Variants in PRKAR2B observed in about 807,000 individuals in gnomAD.
PRKAR2B encodes the protein cAMP-dependent protein kinase type II-beta regulatory subunit.
Under a neutral mutation model 49.9 loss-of-function variants are expected in PRKAR2B, and 14 were observed. The observed-to-expected ratio is 0.28, with a 90% CI of 0.19 to 0.44. The LOEUF (loss-of-function observed/expected upper bound fraction) is 0.44, where lower values mean the gene tolerates loss of function less well. PRKAR2B is among the 20% of genes least tolerant of loss of function. The pLI, the probability that PRKAR2B is intolerant of heterozygous loss-of-function variation, is 1.00. For synonymous variants in PRKAR2B, 196 were observed against 197.7 expected, an observed-to-expected ratio of 0.99 and a Z score of 0.07; for missense variants, 393 against 537.9, an observed-to-expected ratio of 0.73 and a Z score of 2.67.
At chr7:107,091,206 A>G (rs1029311983) in intron 2 of PRKAR2B, among the ~76,000 whole-genome samples, 1 of 152,222 alleles carries the variant, frequency 6.6e-6, no homozygotes, top group Non-Finnish European at 1.5e-5. Flanking sequence ...TGGAATGATT[A>G]TACTGTAATA....
At chr7:107,142,486 T>G (rs1250110855) in intron 5 of PRKAR2B, among the ~76,000 whole-genome samples, 2 of 152,240 alleles carry the variant, frequency 1.3e-5, no homozygotes, top group East Asian at 3.8e-4. Context: ...TCTATGATCT[T>G]AACCATTTAG....
At chr7:107,147,326 T>C (rs753534330) in intron 6 of PRKAR2B, among the ~76,000 whole-genome samples, 1 of 152,080 alleles carries the variant, frequency 6.6e-6, no homozygotes, top group Non-Finnish European at 1.5e-5. Flanking sequence ...AAAATCCTCT[T>C]ACCTAGACCT....
chr7:107,064,669 C>T (rs768599643), intron 1 of PRKAR2B, among the ~76,000 whole-genome samples: 1 of 152,152 alleles, frequency 6.6e-6, no homozygotes, highest in Non-Finnish European at 1.5e-5. Context: ...CTTTGAGCCC[C>T]TTCACAGGCT....
chr7:107,130,995 T>G (rs1397822477), intron 4 of PRKAR2B, among the ~76,000 whole-genome samples: 5 of 152,182 alleles, frequency 3.3e-5, no homozygotes, highest in African/African-American at 1.2e-4. Flanking sequence ...CAGATTTGGA[T>G]TCTCATGGTC....
chr7:107,133,263 T>G (rs2191917), intron 4 of PRKAR2B, among the ~76,000 whole-genome samples: 18,327 of 152,220 alleles, frequency 0.12, 1,315 homozygotes, highest in African/African-American at 0.19. Flanking sequence ...GGAATTGCCT[T>G]TTCATATATC....
At chr7:107,049,060 G>A (rs923364361) in intron 1 of PRKAR2B, among the ~76,000 whole-genome samples, 3 of 152,046 alleles carry the variant, frequency 2.0e-5, no homozygotes, top group Non-Finnish European at 4.4e-5. Flanking sequence ...GAAGGTTTAC[G>A]GTAGGCTATA....
intron 1 of PRKAR2B, among the ~76,000 whole-genome samples, chr7:107,051,207 C>G (rs757763676): frequency 1.9e-4 from 29 of 152,168 alleles, no homozygotes; most frequent in South Asian, 2.1e-4. Context: ...TTTTTTCTGT[C>G]TTCCATCAAG....
At chr7:107,101,094 A>T (rs900570499) in intron 2 of PRKAR2B, among the ~76,000 whole-genome samples, 2 of 146,830 alleles carry the variant, frequency 1.4e-5, no homozygotes, top group Admixed American at 6.8e-5. Context: ...ACATTGTAGC[A>T]GTTCTGGATT....
At chr7:107,059,863 C>G (rs1428348615) in intron 1 of PRKAR2B, among the ~76,000 whole-genome samples, 3 of 152,030 alleles carry the variant, frequency 2.0e-5, no homozygotes, top group African/African-American at 7.2e-5. Flanking sequence ...ATTTTCTTTG[C>G]CTTTTTTTCT....
At chr7:107,156,949 T>G in intron 8 of PRKAR2B, 35 bp from the exon 9 acceptor site, 1 of 1,557,628 alleles carries the variant, frequency 6.4e-7, no homozygotes, top group Non-Finnish European at 8.9e-7. Flanking sequence ...TTAATTTGCA[T>G]TTTCACCGTC....
At chr7:107,130,238 G>A (rs552839878) in intron 4 of PRKAR2B, among the ~76,000 whole-genome samples, 1 of 152,284 alleles carries the variant, frequency 6.6e-6, no homozygotes, top group South Asian at 2.1e-4. Context: ...GGTGGCTCAT[G>A]CCTGTAATCC....
intron 7 of PRKAR2B, among the ~76,000 whole-genome samples, chr7:107,152,390 G>A (rs532399299): frequency 4.6e-5 from 7 of 152,210 alleles, no homozygotes; most frequent in Admixed American, 6.5e-5. Flanking sequence ...TGTACTTGCC[G>A]TCTGTCTGGA....
chr7:107,044,994 G>A lies in PRKAR2B; in HGVS notation c.87G>A (p.Leu29=), dbSNP rs1457407276. ...TGAGGCACCAGCCCGCGGACCTGCT[G>A]GAGTTCGCGCTGCAGCACTTCACCC... The part of the protein sequence containing the change: ...EVLRHQPADL[L]EFALQHFTRL... The change falls in exon 1 of 11, where the codon CTG becomes CTA. Residue 29 remains leucine (L), a synonymous_variant. Coordinates refer to ENST00000265717, the MANE Select transcript of PRKAR2B (RefSeq NM_002736.3). The A allele has an allele frequency of 2.6e-6, 4 of 1,560,170 alleles. No homozygotes were observed. Among genetic ancestry groups the A allele is most frequent in the Non-Finnish European group, 2.6e-6 (3 of 1,155,058 alleles).
intron 7 of PRKAR2B, among the ~76,000 whole-genome samples, chr7:107,151,449 C>G (rs1410821394): frequency 6.6e-6 from 1 of 152,216 alleles, no homozygotes; most frequent in Non-Finnish European, 1.5e-5. Context: ...AGGCCTCTGT[C>G]CTTGGCCTCT....
At chr7:107,110,402 AGAGGCACGCGAGTTACT>A (rs1795149798) in intron 2 of PRKAR2B, among the ~76,000 whole-genome samples, 1 of 152,032 alleles carries the variant, frequency 6.6e-6, no homozygotes, top group Non-Finnish European at 1.5e-5. Flanking sequence ...ATTGGACTGG[AGAGGCACGCGAGTTACT>A]GAGACACTGG....
intron 2 of PRKAR2B, among the ~76,000 whole-genome samples, chr7:107,119,376 T>C (rs1170895725): frequency 6.6e-6 from 1 of 152,240 alleles, no homozygotes; most frequent in Non-Finnish European, 1.5e-5. Context: ...TCTGCTCTTG[T>C]TGTCCTTTGG....
intron 2 of PRKAR2B, among the ~76,000 whole-genome samples, chr7:107,118,570 A>G (rs1387685467): frequency 1.3e-5 from 2 of 152,164 alleles, no homozygotes; most frequent in East Asian, 3.8e-4. Flanking sequence ...CAGCCTGGAG[A>G]GGCAAACAGC....
intron 2 of PRKAR2B, among the ~76,000 whole-genome samples, chr7:107,112,393 A>G (rs1296697448): frequency 1.3e-5 from 2 of 152,128 alleles, no homozygotes; most frequent in East Asian, 3.9e-4. Context: ...ATCATCTCAC[A>G]AATCTTGATT....
chr7:107,062,543 T>C (rs977803631), intron 1 of PRKAR2B, among the ~76,000 whole-genome samples: 1 of 152,202 alleles, frequency 6.6e-6, no homozygotes, highest in African/African-American at 2.4e-5. Flanking sequence ...TAACAAGTAA[T>C]TGCCTATGAG....
Sources: allele counts gnomAD v4.1 joint callset (sites outside exome capture counted in the v4.1 genomes callset), GRCh38; gene constraint gnomAD v4.1.1; transcripts MANE v1.5; gene names NCBI Gene and HGNC (gene_info 2026-07-23, HGNC 2026-07-21).